IL1RAPL1: variants seen among roughly 807,000 people sequenced by gnomAD.
The protein encoded by IL1RAPL1 is interleukin-1 receptor accessory protein-like 1.
A neutral mutation model predicts 48.4 loss-of-function variants in IL1RAPL1; 3 were observed. The ratio of observed to expected loss-of-function variants is 0.06; its 90% CI spans 0.03 to 0.16. IL1RAPL1 has a LOEUF of 0.16. Among genes scored for constraint, IL1RAPL1 ranks in the 10% least tolerant of loss-of-function variants. The pLI is 1.00. For synonymous variants in IL1RAPL1, 185 were observed against 187.7 expected (o/e 0.99, Z 0.12); for missense variants, 349 against 530.6 (o/e 0.66, Z 3.36).
At chrX:29,899,222 T>C (rs1327496162) in intron 6 of IL1RAPL1, among the ~76,000 whole-genome samples, 3 of 110,726 alleles carry the variant, frequency 2.7e-5, no homozygotes, top group Non-Finnish European at 5.7e-5. Flanking sequence ...AAAGTCAGAT[T>C]GGGAACTCCA....
intron 2 of IL1RAPL1, among the ~76,000 whole-genome samples, chrX:29,058,243 G>A (rs1187039515): frequency 9.1e-6 from 1 of 110,491 alleles, no homozygotes; most frequent in Non-Finnish European, 1.9e-5. Context: ...TGGGCGTGGT[G>A]GCACACACCT....
chrX:29,402,814 A>C (rs5928856), intron 5 of IL1RAPL1, among the ~76,000 whole-genome samples: 1 of 108,018 alleles, frequency 9.3e-6, no homozygotes, highest in Non-Finnish European at 1.9e-5. Context: ...GACCTTTACA[A>C]TTTTGAGGAG....
intron 5 of IL1RAPL1, among the ~76,000 whole-genome samples, chrX:29,613,985 G>C (rs1286354493): frequency 2.7e-5 from 3 of 109,309 alleles, no homozygotes; most frequent in Non-Finnish European, 3.8e-5. Context: ...GGATGGTCTT[G>C]ATCTCCTGAC....
At chrX:28,660,293 A>G (rs1934807719) in intron 1 of IL1RAPL1, among the ~76,000 whole-genome samples, 1 of 111,012 alleles carries the variant, frequency 9.0e-6, no homozygotes, top group Non-Finnish European at 1.9e-5. Context: ...TAATACATGT[A>G]AGAGTTATTT....
intron 2 of IL1RAPL1, among the ~76,000 whole-genome samples, chrX:29,217,542 C>A (rs1930893839): frequency 9.0e-6 from 1 of 111,500 alleles, no homozygotes; most frequent in Admixed American, 9.6e-5. Context: ...ACATGATAAT[C>A]TTGGTGAGGC....
intron 5 of IL1RAPL1, among the ~76,000 whole-genome samples, chrX:29,401,848 G>A (rs1933997032): frequency 9.0e-6 from 1 of 111,156 alleles, no homozygotes; most frequent in Non-Finnish European, 1.9e-5. Flanking sequence ...ACAGATCACA[G>A]TGAAAGGAAT....
intron 3 of IL1RAPL1, among the ~76,000 whole-genome samples, chrX:29,377,130 A>T (rs1348275059): frequency 9.0e-6 from 1 of 111,664 alleles, no homozygotes; most frequent in African/African-American, 3.3e-5. Flanking sequence ...GTCCTTCTTT[A>T]TTGTTATTGG....
rs967511970 is a variant in IL1RAPL1 at position 28,914,589 on chromosome X, C to CT, written c.82+125173dup. On this transcript the variant is annotated intron_variant, in intron 2 of 10. Transcript: ENST00000378993. ...TTCATGTACACTTCAACATTTGAAC[C>CT]TTTTTTTTTGTACTTAATGGGACTA... Among the ~76,000 whole-genome samples, 233 of 110,425 alleles carry CT rather than the reference C, an allele frequency of 2.1e-3. 1 individual carries two copies. Among genetic ancestry groups the CT allele is most frequent in the Middle Eastern group, 9.4e-3 (2 of 213 alleles).
chrX:29,853,099 C>A lies in IL1RAPL1; in HGVS notation c.779-64365C>A, dbSNP rs1226211554. Among the ~76,000 whole-genome samples, 3 of 107,936 alleles carry A rather than the reference C, an allele frequency of 2.8e-5. No individual in the cohort carries two copies. The Admixed American group carries it at 3.0e-4, about 11-fold the overall frequency. 93.7% of individuals were successfully genotyped at this position (107,936 alleles called of 115,157 possible). A position where few individuals can be genotyped will look rare whatever the true frequency, so the allele number is the denominator to read the frequency against. ...ACACAGCATTTAGAGAGAAAAGCCC[C>A]AGACACATTCAGAGAAAATAATGGG... On this transcript the variant is annotated intron_variant, in intron 6 of 10. Transcript: ENST00000378993.
intron 2 of IL1RAPL1, among the ~76,000 whole-genome samples, chrX:29,217,481 T>A (rs1930892476): frequency 8.9e-6 from 1 of 112,081 alleles, no homozygotes; most frequent in African/African-American, 3.2e-5. Context: ...TATTTAGTCA[T>A]TGTTTAGTAT....
chrX:28,643,534 T>C (rs1934572625), intron 1 of IL1RAPL1, among the ~76,000 whole-genome samples: 1 of 111,077 alleles, frequency 9.0e-6, no homozygotes, highest in African/African-American at 3.3e-5. Context: ...TCTTGAAGAA[T>C]GGTTACCACA....
rs186608119 is a variant in IL1RAPL1 at position 28,693,193 on chromosome X, C to T, written c.-24-96127C>T. Among the ~76,000 whole-genome samples the T allele has an allele frequency of 1.8e-4, 20 of 111,984 alleles. No homozygotes were observed. The East Asian group carries it at 5.4e-3, about 30-fold the overall frequency. On this transcript the variant is annotated intron_variant, in intron 1 of 10. Coordinates refer to ENST00000378993, the MANE Select transcript of IL1RAPL1 (RefSeq NM_014271.4). ...AAGCTTGTGCCTCTTTACTGGTACCCCCAACAATGTCTGTCTTTGTGGGGT... is the reference window on the plus strand; with the variant it reads ...AAGCTTGTGCCTCTTTACTGGTACCTCCAACAATGTCTGTCTTTGTGGGGT...
At chrX:28,864,887 T>G (rs1922039225) in intron 2 of IL1RAPL1, among the ~76,000 whole-genome samples, 1 of 111,017 alleles carries the variant, frequency 9.0e-6, no homozygotes, top group Admixed American at 9.6e-5. Flanking sequence ...CCAGTGGTAG[T>G]AGATATACCA....
At chrX:28,959,754 T>C (rs1283162381) in intron 2 of IL1RAPL1, among the ~76,000 whole-genome samples, 3 of 112,187 alleles carry the variant, frequency 2.7e-5, no homozygotes, top group Non-Finnish European at 5.6e-5. Context: ...ATTATTCACT[T>C]TTACTGTATT....
At chrX:28,918,815 G>C (rs904424025) in intron 2 of IL1RAPL1, among the ~76,000 whole-genome samples, 6 of 111,678 alleles carry the variant, frequency 5.4e-5, no homozygotes, top group African/African-American at 2.0e-4. Context: ...TTTGGAAGGA[G>C]GGATTGGTCT....
intron 2 of IL1RAPL1, among the ~76,000 whole-genome samples, chrX:28,918,651 A>G (rs755232583): frequency 2.7e-5 from 3 of 112,231 alleles, no homozygotes; most frequent in South Asian, 3.7e-4. Context: ...GATTAATCTT[A>G]TGGATAGATC....
At chrX:29,121,098 A>C (rs1443865440) in intron 2 of IL1RAPL1, among the ~76,000 whole-genome samples, 1 of 111,939 alleles carries the variant, frequency 8.9e-6, no homozygotes, top group East Asian at 2.8e-4. Context: ...CAACTCGATA[A>C]AGAACATCTA....
chrX:28,633,144 C>G (rs1934419910), intron 1 of IL1RAPL1, among the ~76,000 whole-genome samples: 1 of 111,315 alleles, frequency 9.0e-6, no homozygotes, highest in South Asian at 3.8e-4. Context: ...CCACCTTGAC[C>G]TCTCAAAGTG....
intron 1 of IL1RAPL1, among the ~76,000 whole-genome samples, chrX:28,706,892 G>A (rs990707771): frequency 8.9e-6 from 1 of 112,117 alleles, no homozygotes; most frequent in Non-Finnish European, 1.9e-5. Flanking sequence ...ATGCACAAAT[G>A]TGAATCAGGA....
Sources: gnomAD v4.1 joint callset for allele counts (sites outside exome capture counted in the v4.1 genomes callset) on GRCh38, gnomAD v4.1.1 for gene constraint, MANE v1.5 for transcripts, NCBI Gene and HGNC (gene_info 2026-07-23, HGNC 2026-07-21) for gene names.